SLC36A1: variants seen among roughly 807,000 people sequenced by gnomAD.
SLC36A1 encodes solute carrier family 36 member 1.
In SLC36A1, 30 loss-of-function variants were observed where a neutral mutation model predicts 47.5. The observed-to-expected ratio is 0.63, with a 90% CI of 0.47 to 0.86. SLC36A1 has a LOEUF of 0.86. Ranked by LOEUF, SLC36A1 falls within the 40% of genes least tolerant of loss-of-function variation. SLC36A1 has a pLI of 0.00. For synonymous variants in SLC36A1, 255 were observed against 249.7 expected, an observed-to-expected ratio of 1.02 and a Z score of -0.20; for missense variants, 517 against 606.0, an observed-to-expected ratio of 0.85 and a Z score of 1.54.
At chr5:151,393,570 C>T in the SLC36A1 span, among the ~76,000 whole-genome samples, 1 of 152,284 alleles carries the variant, frequency 6.6e-6, no homozygotes, top group African/African-American at 2.4e-5. Flanking sequence ...TGAGTCCTTC[C>T]TTCAGGAGCT....
the SLC36A1 span, among the ~76,000 whole-genome samples, chr5:151,374,093 A>G: frequency 1.3e-5 from 2 of 152,242 alleles, no homozygotes; most frequent in Admixed American, 6.5e-5. Flanking sequence ...AGCGTGCGTC[A>G]GCAAGATAGC....
At chr5:151,496,410 G>A (rs544877211), downstream of SLC36A1, among the ~76,000 whole-genome samples, 19 of 152,170 alleles carry the variant, frequency 1.2e-4, no homozygotes, top group Non-Finnish European at 1.9e-4. Flanking sequence ...AGACTAGTAC[G>A]TATGGTAAGC....
At chr5:151,494,441 C>G (rs1760283016), downstream of SLC36A1, among the ~76,000 whole-genome samples, 1 of 152,152 alleles carries the variant, frequency 6.6e-6, no homozygotes, top group South Asian at 2.1e-4. Flanking sequence ...GTCCCTTGTG[C>G]CCCTTTGCAA....
chr5:151,398,483 G>T, the SLC36A1 span, among the ~76,000 whole-genome samples: 1 of 152,158 alleles, frequency 6.6e-6, no homozygotes, highest in Non-Finnish European at 1.5e-5. Flanking sequence ...CCTGAACAAA[G>T]GATGGAAAAG....
the SLC36A1 span, among the ~76,000 whole-genome samples, chr5:151,390,994 T>C: frequency 3.9e-5 from 6 of 152,188 alleles, no homozygotes; most frequent in African/African-American, 1.4e-4. Flanking sequence ...TAAATTACCT[T>C]GGGCAGTATG....
chr5:151,554,417 G>A, the SLC36A1 span: 1 of 1,614,210 alleles, frequency 6.2e-7, no homozygotes, highest in Non-Finnish European at 8.5e-7. Context: ...AACCACACCT[G>A]TGACCAGGTC....
chr5:151,496,050 A>G (rs1280768964), downstream of SLC36A1, among the ~76,000 whole-genome samples: 1 of 152,210 alleles, frequency 6.6e-6, no homozygotes. Context: ...GCTGAATTGT[A>G]TGGTGATATG....
the SLC36A1 span, chr5:151,538,021 C>T: frequency 2.2e-6 from 3 of 1,362,430 alleles, no homozygotes; most frequent in Non-Finnish European, 3.0e-6. Flanking sequence ...GAGTGACTGA[C>T]TGAGGGAGGC....
the SLC36A1 span, chr5:151,387,050 G>C: frequency 6.6e-6 from 1 of 152,276 alleles, no homozygotes; most frequent in African/African-American, 2.4e-5. Context: ...AAATCTTTCT[G>C]CCTTTTACTC....
the SLC36A1 span, among the ~76,000 whole-genome samples, chr5:151,373,506 C>T: frequency 6.6e-6 from 1 of 152,078 alleles, no homozygotes; most frequent in Non-Finnish European, 1.5e-5. Context: ...AGTGTTTACA[C>T]AAAAACATTG....
At chr5:151,527,272 G>A in the SLC36A1 span, 1 of 1,613,316 alleles carries the variant, frequency 6.2e-7, no homozygotes, top group Non-Finnish European at 8.5e-7. Flanking sequence ...AAGAATCTCG[G>A]TGGGTTATCA....
At chr5:151,534,679 G>T in the SLC36A1 span, 2 of 1,565,322 alleles carry the variant, frequency 1.3e-6, no homozygotes, top group South Asian at 1.1e-5. Context: ...GCTTTCTCTG[G>T]GGAAATATTA....
the SLC36A1 span, chr5:151,525,856 G>A: frequency 5.0e-6 from 8 of 1,613,982 alleles, no homozygotes; most frequent in Non-Finnish European, 6.8e-6. Context: ...TCGGAAGGCA[G>A]AGCCGTTGTT....
the SLC36A1 span, chr5:151,545,710 T>C: frequency 6.2e-7 from 1 of 1,614,122 alleles, no homozygotes; most frequent in Non-Finnish European, 8.5e-7. Flanking sequence ...GGCCTCCGGC[T>C]CCAAAATTTT....
chr5:151,397,459 C>A, the SLC36A1 span, among the ~76,000 whole-genome samples: 3 of 152,190 alleles, frequency 2.0e-5, no homozygotes, highest in Admixed American at 6.5e-5. Context: ...CTCAAATATT[C>A]CCACATCTTG....
the SLC36A1 span, chr5:151,412,781 G>T: frequency 6.9e-6 from 1 of 144,174 alleles, no homozygotes; most frequent in African/African-American, 2.5e-5. Context: ...GTGAACCTTA[G>T]CTGCGACCTG....
the SLC36A1 span, among the ~76,000 whole-genome samples, chr5:151,397,920 C>T: frequency 1.3e-5 from 2 of 151,720 alleles, no homozygotes; most frequent in African/African-American, 4.8e-5. Context: ...AGTTTGAGAA[C>T]AGCCTGGGCA....
At chr5:151,469,654 G>A (rs1016279646) in intron 7 of SLC36A1, among the ~76,000 whole-genome samples, 1 of 152,042 alleles carries the variant, frequency 6.6e-6, no homozygotes, top group African/African-American at 2.4e-5. Flanking sequence ...ATGTTACCAA[G>A]TTGTTTTTTC....
intron 1 of SLC36A1, among the ~76,000 whole-genome samples, chr5:151,455,242 TG>T (rs1368116909): frequency 2.0e-5 from 3 of 152,178 alleles, no homozygotes; most frequent in African/African-American, 7.2e-5. Context: ...GATTCTCTCA[TG>T]TCCTAATGCA....
Sources: gnomAD v4.1 joint callset for allele counts (sites outside exome capture counted in the v4.1 genomes callset) on GRCh38, gnomAD v4.1.1 for gene constraint, MANE v1.5 for transcripts, NCBI Gene and HGNC (gene_info 2026-07-23, HGNC 2026-07-21) for gene names.